The following NLRP2 variants were observed in gnomAD, a reference collection of about 807,000 sequenced individuals.
NLRP2 encodes NACHT, LRR and PYD domains-containing protein 2.
A neutral mutation model predicts 97.2 loss-of-function variants in NLRP2; 107 were observed. That is an observed-to-expected ratio of 1.10 (90% CI 0.94 to 1.29). The LOEUF (loss-of-function observed/expected upper bound fraction) is 1.29, where lower values mean the gene tolerates loss of function less well. Among genes scored for constraint, NLRP2 ranks in the 50% most tolerant of loss-of-function variants. The pLI, the probability that NLRP2 is intolerant of heterozygous loss-of-function variation, is 0.00. For missense variants in NLRP2, 1,495 were observed against 1,330.3 expected (o/e 1.12, Z -1.93); for synonymous variants, 663 against 551.5 (o/e 1.20, Z -2.83).
At chr19:54,981,319 C>T (rs1434725881) in intron 4 of NLRP2, among the ~76,000 whole-genome samples, 8 of 152,028 alleles carry the variant, frequency 5.3e-5, no homozygotes. Context: ...CAGGCATGCG[C>T]CACCACGCCT....
chr19:54,994,173 A>C, intron 10 of NLRP2, 96 bp from the exon 11 acceptor site: 6 of 1,260,826 alleles, frequency 4.8e-6, no homozygotes, highest in Non-Finnish European at 7.0e-6. Flanking sequence ...CACTGTCTCT[A>C]AGTGTGTCTA....
At chr19:54,976,000 T>C (rs2071207217) in intron 3 of NLRP2, among the ~76,000 whole-genome samples, 1 of 151,112 alleles carries the variant, frequency 6.6e-6, no homozygotes, top group African/African-American at 2.4e-5. Context: ...CCTCCCACCT[T>C]GGCCTCCCAA....
At chr19:54,970,770 C>CTTTTTTTTTTTTTTTTTTTTTCTTTTTTT (rs34406686) in intron 2 of NLRP2, among the ~76,000 whole-genome samples, 5 of 108,452 alleles carry the variant, frequency 4.6e-5, no homozygotes, top group East Asian at 2.9e-4. Context: ...CTACCTACTT[C>CTTTTTTTTTTTTTTTTTTTTTCTTTTTTT]TTTTTTTTTT....
In NLRP2 at chr19:54,969,687, T is replaced by TC. The variant is rs546764717; in HGVS notation, c.-17-311dup. On this transcript the variant is annotated intron_variant, in intron 1 of 12. Coordinates refer to ENST00000448584, the MANE Select transcript of NLRP2 (RefSeq NM_017852.5). Reference sequence around the variant, plus strand: ...TAAATAAAAGTAAAATGAGTTGAGGTCTTGCTCTGTTGCCCAGATGGGAGT... The same window carrying TC: ...TAAATAAAAGTAAAATGAGTTGAGGTCCTTGCTCTGTTGCCCAGATGGGAGT... Among the ~76,000 whole-genome samples, 166 of 152,080 alleles carry TC rather than the reference T, an allele frequency of 1.1e-3. 2 individuals are homozygous for TC. The highest frequency in any genetic ancestry group is 3.4e-3 in the Middle Eastern group (1 of 294).
At chr19:54,998,903 A>T (rs1448763028) in intron 12 of NLRP2, among the ~76,000 whole-genome samples, 1 of 150,696 alleles carries the variant, frequency 6.6e-6, no homozygotes, top group African/African-American at 2.4e-5. Context: ...AATCCGTTTA[A>T]CTCTGAGTGG....
Position 54,982,451 on chromosome 19 carries a change from C to A in NLRP2, c.753C>A (p.Ser251Arg). 1.2e-6 allele frequency: 2 copies of A among 1,614,206 alleles called. No homozygotes were observed. Among genetic ancestry groups the A allele is most frequent in the Non-Finnish European group, 1.7e-6 (2 of 1,180,046 alleles). Residue 251 changes from serine (S) to arginine (R), a missense_variant, in exon 6 of 13, where the codon AGC (serine) becomes AGA (arginine). Transcript: ENST00000448584. ...TCTACCTCAGCTGCAGGGAGCTCAG[C>A]CGCCTGGGCCCGTGCAGTTTTGCAG... ...YAFYLSCREL[S>R]RLGPCSFAEL...
At chr19:54,970,378 C>G in intron 2 of NLRP2, 83 bp downstream of exon 2, 1 of 1,502,228 alleles carries the variant, frequency 6.7e-7, no homozygotes, top group Non-Finnish European at 9.2e-7. Context: ...AGGCCAGGCG[C>G]GCTGGCTCAC....
chr19:54,997,221 C>T, intron 11 of NLRP2, 96 bp from the exon 12 acceptor site: 1 of 1,268,044 alleles, frequency 7.9e-7, no homozygotes, highest in Non-Finnish European at 1.2e-6. Context: ...TTCTGTTGGT[C>T]ATGCAGATCC....
intron 10 of NLRP2, chr19:54,991,695 C>G (rs943246650): frequency 6.6e-6 from 1 of 151,538 alleles, no homozygotes; most frequent in African/African-American, 2.4e-5. Flanking sequence ...GCAGTGAAAC[C>G]CTGTCTCTAC....
At position 54,983,052 on chromosome 19, in the gene NLRP2, C is replaced by G; in HGVS notation, c.1354C>G (p.Leu452Val). 1 of 1,611,724 alleles carries G rather than the reference C, an allele frequency of 6.2e-7. No individual in the cohort carries two copies. ...QLRGALRTLS[L>V]LAAQGLWAQT... ...GCGGGGCGCGCTGCGGACGCTGAGC[C>G]TCCTGGCCGCGCAGGGCCTGTGGGC... The change falls in exon 6 of 13, where the codon CTC becomes GTC. Residue 452 changes from leucine (L) to valine (V), a missense_variant. Leu to Val is a conservative substitution (Grantham distance 32). Transcript: ENST00000448584.
rs79231339 is a variant in NLRP2, at chr19:54,982,892, C to A, written c.1194C>A (p.Pro398=). 1 of 1,613,092 alleles carries A rather than the reference C, an allele frequency of 6.2e-7. No individual in the cohort carries two copies. Among genetic ancestry groups the A allele is most frequent in the Admixed American group, 1.7e-5 (1 of 60,010 alleles). Residue 398 remains proline, a synonymous_variant, in exon 6 of 13, where the codon CCC becomes CCA. Coordinates refer to ENST00000448584, the MANE Select transcript of NLRP2 (RefSeq NM_017852.5). ...CCCTGTTCCAGCTGGGCTCGGCCCC[C>A]GCGGTGTGCTGGATCGTGTGCACGA... The part of the protein sequence containing the change: ...NAALFQLGSA[P]AVCWIVCTTL...
intron 10 of NLRP2, among the ~76,000 whole-genome samples, chr19:54,992,554 TTC>T (rs2072552228): frequency 4.3e-5 from 5 of 115,662 alleles, no homozygotes; most frequent in South Asian, 3.0e-4. Context: ...GGGGGGGGTT[TTC>T]TTTTTTTTTT....
intron 9 of NLRP2, 66 bp from the exon 10 acceptor site, chr19:54,990,436 T>G: frequency 6.5e-7 from 1 of 1,534,900 alleles, no homozygotes; most frequent in Non-Finnish European, 9.0e-7. Context: ...CTGGCACTTG[T>G]GGAGCTAGCC....
chr19:54,967,911 ACTG>A (rs1053785055), intron 1 of NLRP2, among the ~76,000 whole-genome samples: 4 of 138,204 alleles, frequency 2.9e-5, no homozygotes, highest in Admixed American at 1.5e-4. Flanking sequence ...TTTTGTTGCT[ACTG>A]CTATTTTTTT....
intron 6 of NLRP2, among the ~76,000 whole-genome samples, chr19:54,984,336 T>TG (rs1568505379): frequency 9.3e-6 from 1 of 107,554 alleles, no homozygotes; most frequent in East Asian, 3.5e-4. Context: ...TGTGTTTTTT[T>TG]TTTTTTTTTT....
chr19:54,989,603 C>A lies in NLRP2; in HGVS notation c.2367-419C>A, dbSNP rs1314225154. 1.4e-5 allele frequency: 4 copies of A among 289,350 alleles called. No individual in the cohort carries two copies. The Admixed American group carries it at 1.9e-4, about 14-fold the overall frequency. The allele number at this position is 289,350 out of a possible 1,614,324, so 17.9% of individuals were successfully genotyped here. On this transcript the variant is annotated intron_variant, in intron 8 of 12. Coordinates refer to ENST00000448584, the MANE Select transcript of NLRP2 (RefSeq NM_017852.5). Reference sequence around the variant, plus strand: ...TGCCACTGGTCTGACCACCCTTTGACAACTGCTGCTCCAGATAATTCAAGT... The same window carrying A: ...TGCCACTGGTCTGACCACCCTTTGAAAACTGCTGCTCCAGATAATTCAAGT...
intron 1 of NLRP2, among the ~76,000 whole-genome samples, chr19:54,968,933 C>T (rs1262861157): frequency 2.0e-5 from 3 of 151,656 alleles, no homozygotes; most frequent in Non-Finnish European, 2.9e-5. Context: ...GATCTCCTGA[C>T]CTCACGATCC....
Position 54,981,517 on chromosome 19 carries a change from T to TC in NLRP2, c.398-93dup, listed in dbSNP as rs555904875. On this transcript the variant is annotated intron_variant, in intron 4 of 12. Transcript: ENST00000448584. ...GCTTTATCTGATCCCGTGCCCCCCC[T>TC]CCCCCCCGCCCCATCAGCCTGCCTC... 578 of 286,728 alleles carry TC rather than the reference T, an allele frequency of 2.0e-3. 2 individuals are homozygous for TC. The highest frequency in any genetic ancestry group is 9.7e-3 in the African/African-American group (302 of 31,078). 17.8% of individuals were successfully genotyped at this position (286,728 alleles called of 1,614,324 possible). A position where few individuals can be genotyped will look rare whatever the true frequency, so the allele number is the denominator to read the frequency against.
chr19:54,978,101 C>T (rs2071360949), intron 4 of NLRP2, among the ~76,000 whole-genome samples: 1 of 152,054 alleles, frequency 6.6e-6, no homozygotes, highest in African/African-American at 2.4e-5. Context: ...CTCTGTTGGC[C>T]AGGTTGGAAT....
Sources: allele counts gnomAD v4.1 joint callset (sites outside exome capture counted in the v4.1 genomes callset), GRCh38; gene constraint gnomAD v4.1.1; transcripts MANE v1.5; gene names NCBI Gene and HGNC (gene_info 2026-07-23, HGNC 2026-07-21).